The following CUX2 variants were observed in gnomAD, a reference collection of about 807,000 sequenced individuals.
The protein encoded by CUX2 is homeobox protein cut-like 2.
Under a neutral mutation model 144.8 loss-of-function variants are expected in CUX2, and 40 were observed. That is an observed-to-expected ratio of 0.28 (90% CI 0.21 to 0.36). CUX2 has a LOEUF of 0.36. CUX2 is among the 10% of genes least tolerant of loss of function. The pLI is 1.00. For missense variants in CUX2, 1,615 were observed against 1,994.0 expected, an observed-to-expected ratio of 0.81 and a Z score of 3.62; for synonymous variants, 827 against 875.6, an observed-to-expected ratio of 0.94 and a Z score of 0.98.
Position 111,320,124 on chromosome 12 carries a change from G to A in CUX2, c.2115G>A (p.Gln705=), listed in dbSNP as rs1403659276. 1.3e-6 allele frequency: 2 copies of A among 1,557,222 alleles called. No individual in the cohort carries two copies. Among genetic ancestry groups the A allele is most frequent in the Admixed American group, 1.9e-5 (1 of 51,472 alleles). ...SILEQARREM[Q]AQQQALLEME... ...TGGAGCAGGCACGCCGTGAGATGCAGGCGCAACAGCAGGCGCTGCTGGAGA... is the reference window on the plus strand; with the variant it reads ...TGGAGCAGGCACGCCGTGAGATGCAAGCGCAACAGCAGGCGCTGCTGGAGA... Residue 705 remains glutamine, a synonymous_variant, in exon 17 of 22, where the codon CAG becomes CAA. Coordinates refer to ENST00000261726, the MANE Select transcript of CUX2 (RefSeq NM_015267.4). This position sits in a 1 kb window ranked among gnomAD's most constrained non-coding sequence, Gnocchi z 8.1.
At chr12:111,243,496 CTTT>C (rs761276935) in intron 3 of CUX2, among the ~76,000 whole-genome samples, 3 of 80,020 alleles carry the variant, frequency 3.7e-5, no homozygotes, top group African/African-American at 1.2e-4. Context: ...GTTGATGTGC[CTTT>C]TTTTTTTTTT....
At chr12:111,073,422 C>T (rs896252525) in intron 1 of CUX2, among the ~76,000 whole-genome samples, 2 of 152,048 alleles carry the variant, frequency 1.3e-5, no homozygotes, top group African/African-American at 2.4e-5. Context: ...ATTTGAGTGG[C>T]TTCAGTTGGG....
At chr12:111,150,062 C>T (rs952652896) in intron 1 of CUX2, among the ~76,000 whole-genome samples, 17 of 152,128 alleles carry the variant, frequency 1.1e-4, no homozygotes, top group African/African-American at 3.9e-4. Flanking sequence ...TACATGTCAG[C>T]TGACACATAG....
At chr12:111,280,494 A>G (rs2136314210) in intron 4 of CUX2, among the ~76,000 whole-genome samples, 1 of 152,272 alleles carries the variant, frequency 6.6e-6, no homozygotes, top group East Asian at 1.9e-4. Context: ...CCTCCAAAAC[A>G]CAGCAGAGCA....
chr12:111,183,090 C>T (rs555019680), intron 1 of CUX2, among the ~76,000 whole-genome samples: 59 of 152,304 alleles, frequency 3.9e-4, no homozygotes, highest in Non-Finnish European at 8.4e-4. Flanking sequence ...TCCAAGGTCA[C>T]ACAGCTAAGA....
intron 1 of CUX2, among the ~76,000 whole-genome samples, chr12:111,161,024 G>T (rs1877726997): frequency 1.3e-5 from 2 of 152,190 alleles, no homozygotes; most frequent in South Asian, 4.1e-4. Context: ...CGCAGTGGGT[G>T]GGTGGTGGAG....
At chr12:111,241,984 C>A (rs1883041052) in intron 3 of CUX2, among the ~76,000 whole-genome samples, 1 of 152,248 alleles carries the variant, frequency 6.6e-6, no homozygotes, top group Non-Finnish European at 1.5e-5. Flanking sequence ...GTTTTCTCAT[C>A]CTTGCTTTCT....
chr12:111,329,838 T>C (rs1255718310), intron 18 of CUX2, among the ~76,000 whole-genome samples: 2 of 152,178 alleles, frequency 1.3e-5, no homozygotes, highest in Non-Finnish European at 2.9e-5. Flanking sequence ...GGTTTCACCA[T>C]GTTGGCCAGG....
chr12:111,260,230 C>T (rs1256291315), intron 3 of CUX2, among the ~76,000 whole-genome samples: 1 of 151,482 alleles, frequency 6.6e-6, no homozygotes, highest in African/African-American at 2.4e-5. Context: ...TTTGGGAGGC[C>T]GAGGCGGGCA....
At chr12:111,137,731 C>G (rs1876002408) in intron 1 of CUX2, among the ~76,000 whole-genome samples, 1 of 152,108 alleles carries the variant, frequency 6.6e-6, no homozygotes, top group African/African-American at 2.4e-5. Flanking sequence ...CCCAAGCTGG[C>G]CTCGAACTTC....
chr12:111,144,097 G>T (rs1206303291), intron 1 of CUX2, among the ~76,000 whole-genome samples: 3 of 152,150 alleles, frequency 2.0e-5, no homozygotes, highest in Non-Finnish European at 4.4e-5. Context: ...TGCCTGTACT[G>T]CTGTATGATC....
intron 1 of CUX2, among the ~76,000 whole-genome samples, chr12:111,141,023 A>G (rs1335650513): frequency 6.6e-6 from 1 of 152,136 alleles, no homozygotes; most frequent in Non-Finnish European, 1.5e-5. Context: ...TATGTGGACC[A>G]CCAAACTTTG....
intron 1 of CUX2, among the ~76,000 whole-genome samples, chr12:111,198,609 A>G (rs540712177): frequency 1.3e-5 from 2 of 152,362 alleles, no homozygotes; most frequent in Non-Finnish European, 2.9e-5. Flanking sequence ...CTGATATTAA[A>G]TATGCAGATA....
chr12:111,195,274 A>G (rs977562478), intron 1 of CUX2, among the ~76,000 whole-genome samples: 8 of 152,154 alleles, frequency 5.3e-5, no homozygotes, highest in Admixed American at 2.6e-4. Context: ...AAAATGGCTT[A>G]ACCAATTTGG....
At position 111,255,313 on chromosome 12, in the gene CUX2, ACTTATTT is replaced by A. The variant is rs1565875161; in HGVS notation, c.223-8440_223-8434del. Among the ~76,000 whole-genome samples, 3 of 152,192 alleles carry A rather than the reference ACTTATTT, an allele frequency of 2.0e-5. No individual in the cohort carries two copies. Among genetic ancestry groups the A allele is most frequent in the Non-Finnish European group, 1.5e-5 (1 of 68,030 alleles). ...AGTAGCTATCAAAAACAAAAGTCAA[ACTTATTT>A]CTTATTTAATCCCTGACATTAAAAT... On this transcript the variant is annotated intron_variant, in intron 3 of 21. Transcript: ENST00000261726. The surrounding 1 kb of genome is among the most constrained non-coding windows in gnomAD (Gnocchi z 4.1).
chr12:111,084,493 CTT>C (rs537311380), intron 1 of CUX2, among the ~76,000 whole-genome samples: 3 of 142,344 alleles, frequency 2.1e-5, no homozygotes, highest in Admixed American at 7.0e-5. Flanking sequence ...TAAACAGAAT[CTT>C]TTTTTTTTTT....
chr12:111,108,559 A>G (rs1185356408), intron 1 of CUX2, among the ~76,000 whole-genome samples: 1 of 151,994 alleles, frequency 6.6e-6, no homozygotes, highest in Non-Finnish European at 1.5e-5. Context: ...TTTTTTATTT[A>G]TATCAGTGTG....
rs117688187 is a variant in CUX2, at chr12:111,187,911, C to T, written c.64-26289C>T. On this transcript the variant is annotated intron_variant, in intron 1 of 21. Coordinates refer to ENST00000261726, the MANE Select transcript of CUX2 (RefSeq NM_015267.4). ...CCAACAGAGCCCCAGGTGGGCACAG[C>T]TGCCAGGCACCCTGCACCCCAGAGC... 4.5e-3 allele frequency among the ~76,000 whole-genome samples: 680 copies of T among 152,360 alleles called. 2 individuals carry two copies. Among genetic ancestry groups the T allele is most frequent in the Non-Finnish European group, 5.8e-3 (392 of 68,034 alleles).
chr12:111,186,537 G>A lies in CUX2; in HGVS notation c.64-27663G>A, dbSNP rs948714605. Among the ~76,000 whole-genome samples the A allele has an allele frequency of 6.6e-6, 1 of 152,150 alleles. No individual in the cohort carries two copies. The highest frequency in any genetic ancestry group is 1.5e-5 in the Non-Finnish European group (1 of 68,028). ...AACTGAGCACATTCTGGCCACACCC[G>A]GCCACCAGGACCCATGGTTGCTGAG... On this transcript the variant is annotated intron_variant, in intron 1 of 21. Transcript: ENST00000261726. This position sits in a 1 kb window ranked among gnomAD's most constrained non-coding sequence, Gnocchi z 4.4.
Sources: gnomAD v4.1 joint callset for allele counts (sites outside exome capture counted in the v4.1 genomes callset) on GRCh38, gnomAD v4.1.1 for gene constraint, Gnocchi (gnomAD v3.1) non-coding constraint, MANE v1.5 for transcripts, NCBI Gene and HGNC (gene_info 2026-07-23, HGNC 2026-07-21) for gene names.